Variants in ZNF284 observed in about 807,000 individuals in gnomAD.
ZNF284 encodes the protein zinc finger protein 284.
Under a neutral mutation model 12.9 loss-of-function variants are expected in ZNF284, and 12 were observed. The ratio of observed to expected loss-of-function variants is 0.93; its 90% CI spans 0.60 to 1.51. The LOEUF is 1.51. ZNF284 is among the 40% of genes most tolerant of loss of function. The pLI is 0.00. For missense variants in ZNF284, 667 were observed against 707.3 expected, an observed-to-expected ratio of 0.94 and a Z score of 0.65; for synonymous variants, 225 against 236.5, an observed-to-expected ratio of 0.95 and a Z score of 0.45.
chr19:44,074,284 C>T (rs977918311), intron 1 of ZNF284, among the ~76,000 whole-genome samples: 6 of 151,894 alleles, frequency 4.0e-5, no homozygotes, highest in Non-Finnish European at 7.4e-5. Context: ...ACCCGGGAGG[C>T]GGAGGTTGCA....
chr19:44,080,250 C>T (rs1295370245), intron 2 of ZNF284, among the ~76,000 whole-genome samples: 1 of 152,174 alleles, frequency 6.6e-6, no homozygotes, highest in African/African-American at 2.4e-5. Flanking sequence ...AGAGGACCCA[C>T]TCCATGGCTG....
chr19:44,082,514 T>C (rs747699651), intron 4 of ZNF284, among the ~76,000 whole-genome samples: 12 of 152,240 alleles, frequency 7.9e-5, no homozygotes, highest in Non-Finnish European at 1.6e-4. Context: ...GTATTGCCTG[T>C]TGCTGTCACC....
intron 2 of ZNF284, among the ~76,000 whole-genome samples, chr19:44,078,148 A>C (rs1967063103): frequency 6.6e-6 from 1 of 152,250 alleles, no homozygotes. Flanking sequence ...AAGGAATATG[A>C]ATAAAGGACA....
chr19:44,086,339 C>A lies in ZNF284; in HGVS notation c.861C>A (p.Phe287Leu), dbSNP rs1405251330. 6.2e-7 allele frequency: 1 copy of A among 1,614,122 alleles called. No individual in the cohort carries two copies. The highest frequency in any genetic ancestry group is 2.2e-5 in the East Asian group (1 of 44,872). ...HQRIHTGEKP[F>L]KCYICGKSFH... ...GAATCCATACTGGGGAGAAGCCATTCAAATGTTATATATGTGGTAAGAGCT... is the reference window on the plus strand; with the variant it reads ...GAATCCATACTGGGGAGAAGCCATTAAAATGTTATATATGTGGTAAGAGCT... Residue 287 changes from phenylalanine to leucine, a missense_variant, in exon 5 of 5, where the codon TTC becomes TTA. Physicochemically the swap from Phe to Leu is conservative, Grantham distance 22. Transcript: ENST00000421176.
At position 44,089,286 on chromosome 19, in the gene ZNF284, C is replaced by A. The variant is rs993668189; in HGVS notation, c.*2026C>A. 2 of 152,080 alleles carry A rather than the reference C, an allele frequency of 1.3e-5. No individual in the cohort carries two copies. The highest frequency in any genetic ancestry group is 2.9e-5 in the Non-Finnish European group (2 of 68,044). 9.4% of individuals were successfully genotyped at this position (152,080 alleles called of 1,614,324 possible). ...GGACTACAGGCATGGACCACCACCC[C>A]TGATTGATCTTCTTTAGTTTCTATA... On this transcript the variant is annotated 3_prime_UTR_variant, in exon 5 of 5. Transcript: ENST00000421176.
chr19:44,083,337 G>C (rs1425012092), intron 4 of ZNF284, among the ~76,000 whole-genome samples: 1 of 151,484 alleles, frequency 6.6e-6, no homozygotes, highest in African/African-American at 2.4e-5. Flanking sequence ...GGGTGGCTGA[G>C]GCGTGAGAAT....
rs1347425274 is a variant in ZNF284 at position 44,081,138 on chromosome 19, G to A, written c.139G>A (p.Val47Met). 2 of 1,610,974 alleles carry A rather than the reference G, an allele frequency of 1.2e-6. No homozygotes were observed. The highest frequency in any genetic ancestry group is 2.2e-5 in the East Asian group (1 of 44,778). The change falls in exon 3 of 5, where the codon GTG (valine) becomes ATG (methionine). Residue 47 changes from valine to methionine, a missense_variant. Transcript: ENST00000421176. ...GGAGAACTTCAGAAACCTGCTATCA[G>A]TGGGTGAGCACAGGCACCCTCTGTA... ...MLENFRNLLS[V>M]GHQLSHRDTF... is the part of the protein sequence containing the mutation.
At chr19:44,077,414 A>G (rs1356198962) in intron 2 of ZNF284, among the ~76,000 whole-genome samples, 1 of 152,058 alleles carries the variant, frequency 6.6e-6, no homozygotes, top group Non-Finnish European at 1.5e-5. Context: ...TGGGCTGCAC[A>G]TATATCGGTT....
chr19:44,081,619 G>C (rs1312096779), intron 3 of ZNF284, among the ~76,000 whole-genome samples: 3 of 152,124 alleles, frequency 2.0e-5, no homozygotes, highest in African/African-American at 4.8e-5. Context: ...GGCTGAGGCG[G>C]GTAAATGGCG....
chr19:44,075,218 C>T (rs1967008758), intron 1 of ZNF284, among the ~76,000 whole-genome samples: 1 of 152,120 alleles, frequency 6.6e-6, no homozygotes, highest in Non-Finnish European at 1.5e-5. Context: ...TTACCTGTAA[C>T]CCCATTCAAA....
intron 3 of ZNF284, among the ~76,000 whole-genome samples, chr19:44,081,617 C>A (rs1257822974): frequency 6.6e-6 from 1 of 151,866 alleles, no homozygotes; most frequent in Non-Finnish European, 1.5e-5. Context: ...GAGGCTGAGG[C>A]GGGTAAATGG....
chr19:44,082,809 C>T (rs1016618490), intron 4 of ZNF284, among the ~76,000 whole-genome samples: 5 of 152,176 alleles, frequency 3.3e-5, no homozygotes, highest in Admixed American at 6.5e-5. Context: ...CTGTTTTCCA[C>T]ATTTTGGGTC....
chr19:44,080,521 G>A (rs1450950486), intron 2 of ZNF284, among the ~76,000 whole-genome samples: 1 of 152,138 alleles, frequency 6.6e-6, no homozygotes, highest in Admixed American at 6.5e-5. Context: ...AGGAGGCAGG[G>A]GTTGCAGTGA....
At position 44,082,085 on chromosome 19, in the gene ZNF284, C is replaced by T; in HGVS notation, c.215C>T (p.Thr72Ile). The change falls in exon 4 of 5, where the codon ACC becomes ATC. Residue 72 changes from threonine to isoleucine, a missense_variant. Transcript: ENST00000421176. ...EEKFWIMETA[T>I]QREGNSGGKI... ...AAGTTTTGGATCATGGAGACAGCAA[C>T]CCAAAGAGAAGGGAATTCAGGTAAG... 6.2e-7 allele frequency: 1 copy of T among 1,613,286 alleles called. No homozygotes were observed. The highest frequency in any genetic ancestry group is 1.1e-5 in the South Asian group (1 of 91,034).
Position 44,086,030 on chromosome 19 carries a change from C to A in ZNF284, c.552C>A (p.Phe184Leu). Residue 184 changes from phenylalanine to leucine, a missense_variant, in exon 5 of 5, where the codon TTC becomes TTA. Physicochemically the swap from Phe to Leu is conservative, Grantham distance 22. Coordinates refer to ENST00000421176, the MANE Select transcript of ZNF284 (RefSeq NM_001037813.4). The stretch of plus-strand genomic sequence containing the variant: ...CATGTAATGAGTACAGGAAGAGATT[C>A]TGTTATAGCTCAGCTCTTTGTCTTC... Reference protein sequence around the residue: ...SHTCNEYRKRFCYSSALCLHQ... With the variant: ...SHTCNEYRKRLCYSSALCLHQ... 1 of 1,614,118 alleles carries A rather than the reference C, an allele frequency of 6.2e-7. No individual in the cohort carries two copies.
intron 2 of ZNF284, among the ~76,000 whole-genome samples, chr19:44,080,403 C>T (rs4803673): frequency 0.5 from 75,621 of 151,980 alleles, 21,552 homozygotes; most frequent in Non-Finnish European, 0.66. Flanking sequence ...TCGTGACCAG[C>T]CTGGCCAACA....
Position 44,086,004 on chromosome 19 carries a change from A to G in ZNF284, c.526A>G (p.Thr176Ala). ...ATTACACTCAGGAAAGATATCCCATACATGTAATGAGTACAGGAAGAGATT... is the reference window on the plus strand; with the variant it reads ...ATTACACTCAGGAAAGATATCCCATGCATGTAATGAGTACAGGAAGAGATT... ...QQLHSGKISH[T>A]CNEYRKRFCY... is the part of the protein sequence containing the mutation. The change falls in exon 5 of 5, where the codon ACA becomes GCA. Residue 176 changes from threonine to alanine, a missense_variant. Physicochemically the swap from Thr to Ala is moderately conservative, Grantham distance 58 (BLOSUM62 0). Transcript: ENST00000421176. 1 of 1,614,164 alleles carries G rather than the reference A, an allele frequency of 6.2e-7. No individual in the cohort carries two copies. Among genetic ancestry groups the G allele is most frequent in the South Asian group, 1.1e-5 (1 of 91,080 alleles).
At chr19:44,083,045 T>C (rs1213914548) in intron 4 of ZNF284, among the ~76,000 whole-genome samples, 2 of 152,154 alleles carry the variant, frequency 1.3e-5, no homozygotes, top group Non-Finnish European at 2.9e-5. Context: ...TCTTTCTGAT[T>C]GGAATACTCT....
intron 2 of ZNF284, 71 bp downstream of exon 2, chr19:44,076,475 G>A (rs768899854): frequency 3.3e-6 from 5 of 1,534,978 alleles, no homozygotes; most frequent in South Asian, 1.2e-5. Context: ...TGTTTTTCTC[G>A]GTCTTGGGAA....
Sources: gnomAD v4.1 joint callset for allele counts (sites outside exome capture counted in the v4.1 genomes callset) on GRCh38, gnomAD v4.1.1 for gene constraint, MANE v1.5 for transcripts, NCBI Gene and HGNC (gene_info 2026-07-23, HGNC 2026-07-21) for gene names.